SGCD: variants seen among roughly 807,000 people sequenced by gnomAD.
SGCD encodes the protein sarcoglycan delta.
SGCD carries 18 observed loss-of-function variants against 36.6 expected under a neutral mutation model. That is an observed-to-expected ratio of 0.49 (90% CI 0.34 to 0.73). The LOEUF is 0.73. Ranked by LOEUF, SGCD falls within the 30% of genes least tolerant of loss-of-function variation. The pLI, the probability that SGCD is intolerant of heterozygous loss-of-function variation, is 0.01. For synonymous variants in SGCD, 133 were observed against 130.6 expected, an observed-to-expected ratio of 1.02 and a Z score of -0.12; for missense variants, 387 against 346.7, an observed-to-expected ratio of 1.12 and a Z score of -0.92.
chr5:156,100,297 C>CAA (rs879577511), intron 1 of SGCD, among the ~76,000 whole-genome samples: 2 of 137,750 alleles, frequency 1.5e-5, no homozygotes, highest in African/African-American at 5.2e-5. Flanking sequence ...AACAAGCAAA[C>CAA]AAAAAAAAAA....
intron 3 of SGCD, among the ~76,000 whole-genome samples, chr5:156,468,407 T>G (rs1367413628): frequency 6.6e-6 from 1 of 151,844 alleles, no homozygotes; most frequent in Non-Finnish European, 1.5e-5. Context: ...CATGAGATTT[T>G]ACATGTAAAG....
At chr5:156,259,234 C>G (rs1387965579) in intron 3 of SGCD, among the ~76,000 whole-genome samples, 6 of 151,882 alleles carry the variant, frequency 4.0e-5, no homozygotes, top group Non-Finnish European at 8.8e-5. Context: ...TATGGAGCAT[C>G]TTTCCATGCC....
At chr5:155,889,784 G>A (rs1756083359) in intron 1 of SGCD, among the ~76,000 whole-genome samples, 1 of 152,106 alleles carries the variant, frequency 6.6e-6, no homozygotes, top group African/African-American at 2.4e-5. Flanking sequence ...CCGTATTTGG[G>A]GCAACTTGAT....
chr5:155,868,870 C>T (rs531531203), upstream of SGCD, among the ~76,000 whole-genome samples: 5 of 152,236 alleles, frequency 3.3e-5, no homozygotes, highest in South Asian at 2.1e-4. Flanking sequence ...GAGGAAGCAA[C>T]TTCAGCTTTA....
intron 3 of SGCD, among the ~76,000 whole-genome samples, chr5:156,496,583 G>A (rs574216441): frequency 1.3e-5 from 2 of 152,268 alleles, no homozygotes; most frequent in East Asian, 3.9e-4. Context: ...TATGACATGA[G>A]ATTAGGATAA....
intron 3 of SGCD, among the ~76,000 whole-genome samples, chr5:156,504,973 A>C (rs189247892): frequency 6.6e-6 from 1 of 152,306 alleles, no homozygotes; most frequent in East Asian, 1.9e-4. Flanking sequence ...TTCTGACCTC[A>C]ATGGGAAGAA....
At chr5:156,400,321 A>C (rs1425444637) in intron 3 of SGCD, among the ~76,000 whole-genome samples, 1 of 152,222 alleles carries the variant, frequency 6.6e-6, no homozygotes, top group African/African-American at 2.4e-5. Context: ...TACAGTTTCC[A>C]TCATTTCCCA....
intron 1 of SGCD, among the ~76,000 whole-genome samples, chr5:156,016,981 T>G (rs1034585477): frequency 6.6e-6 from 1 of 152,180 alleles, no homozygotes; most frequent in African/African-American, 2.4e-5. Context: ...ATGTGCATAT[T>G]CTCTTCTGTT....
chr5:156,553,431 C>T (rs963310173), intron 4 of SGCD, among the ~76,000 whole-genome samples: 1 of 152,156 alleles, frequency 6.6e-6, no homozygotes, highest in Non-Finnish European at 1.5e-5. Flanking sequence ...CCATCCTATA[C>T]CTACCTGTTA....
At position 155,961,715 on chromosome 5, in the gene SGCD, A is replaced by T. The variant is rs982862766; in HGVS notation, c.-282+91291A>T. 4.0e-5 allele frequency among the ~76,000 whole-genome samples: 6 copies of T among 150,696 alleles called. No individual in the cohort carries two copies. The East Asian group carries it at 7.8e-4, about 20-fold the overall frequency. On this transcript the variant is annotated intron_variant, in intron 1 of 9. Transcript: ENST00000517913. ...AAGGTATTTATGAAACCAAATGTGA[A>T]TTTTTTTTTTCTTTTTTTACTTTTT...
intron 3 of SGCD, among the ~76,000 whole-genome samples, chr5:156,212,933 A>T (rs1561567960): frequency 1.3e-5 from 2 of 152,242 alleles, no homozygotes; most frequent in East Asian, 1.9e-4. Flanking sequence ...AGGGAAATTT[A>T]AAAATATCTT....
In SGCD at chr5:156,249,781, G is replaced by T. The variant is rs183968915; in HGVS notation, c.-43-79753G>T. ...CTACATACAAAGAACATAATCAACT[G>T]TATATATAATGTATATACAATTTTA... On this transcript the variant is annotated intron_variant, in intron 3 of 9. Coordinates refer to the SGCD transcript ENST00000517913. Among the ~76,000 whole-genome samples the T allele has an allele frequency of 3.1e-3, 471 of 150,590 alleles. 11 individuals are homozygous for T. In the South Asian group the frequency reaches 0.039, roughly 13 times the overall value.
intron 2 of SGCD, among the ~76,000 whole-genome samples, chr5:156,332,008 T>C (rs1768088353): frequency 6.6e-6 from 1 of 152,210 alleles, no homozygotes; most frequent in African/African-American, 2.4e-5. Context: ...TCTTTTCTCT[T>C]TGTTATTTGT....
chr5:156,486,099 C>T (rs1755645739), intron 3 of SGCD, among the ~76,000 whole-genome samples: 1 of 152,104 alleles, frequency 6.6e-6, no homozygotes, highest in Admixed American at 6.5e-5. Context: ...GAGATCCCAG[C>T]TCTCAGCAGA....
intron 5 of SGCD, among the ~76,000 whole-genome samples, chr5:156,590,883 G>A (rs534744334): frequency 7.0e-5 from 10 of 142,814 alleles, no homozygotes; most frequent in South Asian, 2.2e-4. Flanking sequence ...CTCTCTTCTC[G>A]TCTCTCTTCT....
intron 3 of SGCD, among the ~76,000 whole-genome samples, chr5:156,481,274 G>A (rs1755413564): frequency 1.3e-5 from 2 of 152,148 alleles, no homozygotes; most frequent in South Asian, 4.1e-4. Context: ...GGGAAAGTTG[G>A]GGGATGGTAG....
chr5:155,904,534 T>G (rs1474769331), intron 1 of SGCD, among the ~76,000 whole-genome samples: 1 of 152,232 alleles, frequency 6.6e-6, no homozygotes, highest in East Asian at 1.9e-4. Flanking sequence ...TTTTAAAATA[T>G]ATAATGGAAT....
intron 7 of SGCD, among the ~76,000 whole-genome samples, chr5:156,757,100 G>T (rs1757363164): frequency 6.6e-6 from 1 of 151,678 alleles, no homozygotes; most frequent in East Asian, 1.9e-4. Context: ...GTCATTTAGT[G>T]GCCACCCCAT....
chr5:155,988,329 C>T (rs182444408), intron 1 of SGCD, among the ~76,000 whole-genome samples: 1 of 152,022 alleles, frequency 6.6e-6, no homozygotes, highest in Non-Finnish European at 1.5e-5. Context: ...GAAAAAAATA[C>T]GTTTTCCAAG....
Sources: allele counts gnomAD v4.1 joint callset (sites outside exome capture counted in the v4.1 genomes callset), GRCh38; gene constraint gnomAD v4.1.1; transcripts MANE v1.5; gene names NCBI Gene and HGNC (gene_info 2026-07-23, HGNC 2026-07-21).